Variants in GAS2 observed in about 807,000 individuals in gnomAD.
The protein encoded by GAS2 is growth arrest specific 2.
In GAS2, 20 loss-of-function variants were observed where a neutral mutation model predicts 37.5. The observed-to-expected ratio is 0.53, with a 90% confidence interval of 0.37 to 0.77. GAS2 has a LOEUF of 0.77. GAS2 is among the 30% of genes least tolerant of loss of function. The probability of loss-of-function intolerance (pLI) is 0.00; values close to 1 mark genes in which losing one functional copy is unlikely to be tolerated. For missense variants in GAS2, 336 were observed against 373.4 expected (o/e 0.90, Z 0.82); for synonymous variants, 144 against 132.2 (o/e 1.09, Z -0.61).
In GAS2 at chr11:22,812,131, T is replaced by C. The variant is rs1479381627; in HGVS notation, c.*115T>C. ...TTTTGGAGAAAGATAGACAGAAAAATGTCATCATATTGAAAAATGTTCAAA... is the reference window on the plus strand; with the variant it reads ...TTTTGGAGAAAGATAGACAGAAAAACGTCATCATATTGAAAAATGTTCAAA... On this transcript the variant is annotated 3_prime_UTR_variant, in exon 8 of 8. Transcript: ENST00000454584. The C allele has an allele frequency of 1.4e-6, 1 of 712,378 alleles. No individual in the cohort carries two copies. The highest frequency in any genetic ancestry group is 2.4e-6 in the Non-Finnish European group (1 of 423,590). The allele number at this position is 712,378 out of a possible 1,614,324, so 44.1% of individuals were successfully genotyped here. A position where few individuals can be genotyped will look rare whatever the true frequency, so the allele number is the denominator to read the frequency against.
chr11:22,679,681 A>G (rs1849586274), intron 2 of GAS2, among the ~76,000 whole-genome samples: 1 of 152,206 alleles, frequency 6.6e-6, no homozygotes, highest in South Asian at 2.1e-4. Context: ...TTCAATTAAT[A>G]TTTGTCTAAT....
At chr11:22,725,676 G>A (rs1852168565) in intron 3 of GAS2, among the ~76,000 whole-genome samples, 1 of 151,934 alleles carries the variant, frequency 6.6e-6, no homozygotes, top group South Asian at 2.1e-4. Context: ...CTCCTGCCTC[G>A]GCCTCCCAGA....
chr11:22,639,706 A>G (rs1268723583), intron 1 of GAS2, among the ~76,000 whole-genome samples: 2 of 152,102 alleles, frequency 1.3e-5, no homozygotes, highest in Non-Finnish European at 2.9e-5. Flanking sequence ...AAAAATATTA[A>G]ATTTATGTTT....
chr11:22,694,283 G>A (rs983718699), intron 3 of GAS2, among the ~76,000 whole-genome samples: 2 of 152,188 alleles, frequency 1.3e-5, no homozygotes, highest in East Asian at 1.9e-4. Context: ...GATCTGATTG[G>A]CCTCTCCAGA....
chr11:22,800,764 G>A (rs1856628050), intron 7 of GAS2, among the ~76,000 whole-genome samples: 1 of 151,984 alleles, frequency 6.6e-6, no homozygotes, highest in Non-Finnish European at 1.5e-5. Flanking sequence ...GATCTATGCT[G>A]GGGAATTAAA....
At chr11:22,764,723 TTTC>T (rs1315970265) in intron 7 of GAS2, among the ~76,000 whole-genome samples, 2 of 152,196 alleles carry the variant, frequency 1.3e-5, no homozygotes, top group African/African-American at 2.4e-5. Context: ...AGAGAGCTCA[TTTC>T]TTCTTCCACT....
chr11:22,711,226 A>G (rs1851388998), intron 3 of GAS2, among the ~76,000 whole-genome samples: 1 of 152,238 alleles, frequency 6.6e-6, no homozygotes, highest in Admixed American at 6.5e-5. Flanking sequence ...TCATGGGAGA[A>G]GGATTTAACT....
At position 22,751,667 on chromosome 11, in the gene GAS2, C is replaced by T. The variant is rs529333884; in HGVS notation, c.615+2406C>T. On this transcript the variant is annotated intron_variant, in intron 6 of 7. Coordinates refer to ENST00000454584, the MANE Select transcript of GAS2 (RefSeq NM_001143830.3). The stretch of plus-strand genomic sequence containing the variant: ...GAGATGCTGCCACTTGAAGCTATTT[C>T]TGTGAACCTAGAAGTAGCTAGGATG... Among the ~76,000 whole-genome samples, 22 of 152,074 alleles carry T rather than the reference C, an allele frequency of 1.4e-4. No individual in the cohort carries two copies. In the East Asian group the frequency reaches 3.7e-3, roughly 25 times the overall value.
At chr11:22,640,681 T>G (rs1858898976) in intron 1 of GAS2, among the ~76,000 whole-genome samples, 1 of 152,184 alleles carries the variant, frequency 6.6e-6, no homozygotes, top group African/African-American at 2.4e-5. Context: ...TTTTAAATGT[T>G]AGGAATTTTT....
rs533565680 is a variant in GAS2 at position 22,785,145 on chromosome 11, T to C, written c.724-26653T>C. Among the ~76,000 whole-genome samples, 7 of 152,140 alleles carry C rather than the reference T, an allele frequency of 4.6e-5. No individual in the cohort carries two copies. In the South Asian group the frequency reaches 1.5e-3, roughly 32 times the overall value. On this transcript the variant is annotated intron_variant, in intron 7 of 7. Transcript: ENST00000454584. ...TGGATGTTTTGTCATCTAAGCCCGA[T>C]GTACTCTCCCACACTTTGCATCATT...
intron 4 of GAS2, among the ~76,000 whole-genome samples, chr11:22,730,847 G>A (rs1298862394): frequency 6.6e-6 from 1 of 151,658 alleles, no homozygotes; most frequent in African/African-American, 2.4e-5. Context: ...TTATTGGACT[G>A]TATTAATCAA....
chr11:22,704,885 T>C (rs145904627), intron 3 of GAS2, among the ~76,000 whole-genome samples: 43 of 152,080 alleles, frequency 2.8e-4, no homozygotes, highest in African/African-American at 1.0e-3. Context: ...ACATTTAAAA[T>C]TGTTCAAAGA....
upstream of GAS2, among the ~76,000 whole-genome samples, chr11:22,666,020 C>T (rs984743716): frequency 2.6e-5 from 4 of 152,218 alleles, no homozygotes; most frequent in Non-Finnish European, 4.4e-5. Context: ...CTGTGGGGAT[C>T]AGCACACTCA....
intron 7 of GAS2, among the ~76,000 whole-genome samples, chr11:22,757,341 CT>C (rs1854102581): frequency 6.6e-6 from 1 of 151,938 alleles, no homozygotes; most frequent in Non-Finnish European, 1.5e-5. Context: ...TTCCATTTTT[CT>C]TTTCAAGAAA....
chr11:22,646,922 TA>T (rs1848703023), intron 1 of GAS2, among the ~76,000 whole-genome samples: 1 of 151,804 alleles, frequency 6.6e-6, no homozygotes, highest in South Asian at 2.1e-4. Flanking sequence ...TCTTTTTTTT[TA>T]AATTTATTAT....
intron 2 of GAS2, among the ~76,000 whole-genome samples, chr11:22,680,700 T>C (rs887572680): frequency 8.5e-5 from 13 of 152,084 alleles, no homozygotes; most frequent in Non-Finnish European, 1.0e-4. Context: ...CAATCTTCAA[T>C]CCCAAGCTTT....
intron 3 of GAS2, among the ~76,000 whole-genome samples, chr11:22,724,935 T>A (rs1852125471): frequency 6.6e-6 from 1 of 152,036 alleles, no homozygotes; most frequent in South Asian, 2.1e-4. Context: ...TTTATAACCA[T>A]CCTTGTAAAT....
intron 3 of GAS2, among the ~76,000 whole-genome samples, chr11:22,724,180 A>G (rs191398112): frequency 6.6e-6 from 1 of 152,088 alleles, no homozygotes; most frequent in East Asian, 1.9e-4. Context: ...ACACATGTAC[A>G]TACATCATAA....
chr11:22,750,516 G>T (rs2134297405), intron 6 of GAS2, among the ~76,000 whole-genome samples: 2 of 152,090 alleles, frequency 1.3e-5, no homozygotes, highest in African/African-American at 4.8e-5. Flanking sequence ...AATCACTCAG[G>T]AACTAAAGAA....
Sources: gnomAD v4.1 joint callset for allele counts (sites outside exome capture counted in the v4.1 genomes callset) on GRCh38, gnomAD v4.1.1 for gene constraint, MANE v1.5 for transcripts, NCBI Gene and HGNC (gene_info 2026-07-23, HGNC 2026-07-21) for gene names.